The following CPSF4L variants were observed in gnomAD, a reference collection of about 807,000 sequenced individuals.
The protein encoded by CPSF4L is cleavage and polyadenylation specific factor 4 like.
A neutral mutation model predicts 24.0 loss-of-function variants in CPSF4L; 18 were observed. The observed-to-expected ratio is 0.75, with a 90% CI of 0.52 to 1.11. The LOEUF is 1.11. Ranked by LOEUF, CPSF4L falls within the 50% of genes least tolerant of loss-of-function variation. CPSF4L has a pLI of 0.00. For synonymous variants in CPSF4L, 72 were observed against 77.2 expected, an observed-to-expected ratio of 0.93 and a Z score of 0.35; for missense variants, 211 against 221.8, an observed-to-expected ratio of 0.95 and a Z score of 0.31.
At chr17:73,243,086 T>TG in the CPSF4L span, 11,342 of 987,214 alleles carry the variant, frequency 0.011, 346 homozygotes, top group African/African-American at 0.1. Flanking sequence ...AATTTTTTTT[T>TG]TTTTTTTTTT....
chr17:73,247,427 C>A, downstream of CPSF4L: 1 of 1,354,340 alleles, frequency 7.4e-7, no homozygotes, highest in Non-Finnish European at 1.1e-6. Flanking sequence ...CCCTGTAACA[C>A]CTAAGTGTAG....
chr17:73,258,146 A>C (rs1383592753), intron 2 of CPSF4L, among the ~76,000 whole-genome samples: 1 of 151,760 alleles, frequency 6.6e-6, no homozygotes, highest in Admixed American at 6.6e-5. Flanking sequence ...AGTAGCTGGG[A>C]CTACAGGCGC....
chr17:73,256,546 C>A (rs1044317692), intron 3 of CPSF4L, among the ~76,000 whole-genome samples: 1 of 152,220 alleles, frequency 6.6e-6, no homozygotes, highest in Non-Finnish European at 1.5e-5. Flanking sequence ...CTTTGTAGGT[C>A]ACTCTTTATG....
In CPSF4L at chr17:73,248,537, C is replaced by T; in HGVS notation, c.498-1G>A. On this transcript the variant is annotated splice_acceptor_variant, in intron 5 of 5. Transcript: ENST00000344935. LOFTEE classifies it high-confidence loss of function. The stretch of plus-strand genomic sequence containing the variant: ...CAGCAGCTTGAATTCCCGAATCTTC[C>T]TGCAAGGTGCATACAAATGCAGCGT... 1 of 1,551,660 alleles carries T rather than the reference C, an allele frequency of 6.4e-7. No individual in the cohort carries two copies. Among genetic ancestry groups the T allele is most frequent in the Non-Finnish European group, 8.7e-7 (1 of 1,146,958 alleles).
At position 73,250,963 on chromosome 17, in the gene CPSF4L, C is replaced by T. The variant is rs117942775; in HGVS notation, c.497+1667G>A. The T allele has an allele frequency of 6.8e-5, 104 of 1,518,868 alleles. No homozygotes were observed. The East Asian group carries it at 2.4e-3, about 36-fold the overall frequency. 94.1% of individuals were successfully genotyped at this position (1,518,868 alleles called of 1,614,324 possible). Reference sequence around the variant, plus strand: ...AGCACTAGCCCAGCCCTGTGGGTTCCTTTGTCCACCCTGTGGCACAGGCCC... The same window carrying T: ...AGCACTAGCCCAGCCCTGTGGGTTCTTTTGTCCACCCTGTGGCACAGGCCC... On this transcript the variant is annotated intron_variant, in intron 5 of 5. Transcript: ENST00000344935.
At chr17:73,243,827 T>G (rs1253030478), downstream of CPSF4L, among the ~76,000 whole-genome samples, 1 of 152,178 alleles carries the variant, frequency 6.6e-6, no homozygotes, top group African/African-American at 2.4e-5. Context: ...GCCACCGCAC[T>G]CAGCCTTTGT....
downstream of CPSF4L, chr17:73,244,774 G>A (rs900202336): frequency 3.7e-5 from 6 of 163,266 alleles, no homozygotes; most frequent in Admixed American, 6.3e-5. Context: ...AGTGAGTAGC[G>A]GGTAGGTCCG....
downstream of CPSF4L, chr17:73,247,093 A>T: frequency 1.5e-6 from 1 of 673,410 alleles, no homozygotes; most frequent in South Asian, 1.9e-5. Flanking sequence ...TTGTTTTTGT[A>T]TGTAGTCAAA....
chr17:73,263,358 G>T (rs1351530726), upstream of CPSF4L, among the ~76,000 whole-genome samples: 3 of 152,076 alleles, frequency 2.0e-5, no homozygotes, highest in African/African-American at 7.2e-5. Context: ...CTAGGGCCAC[G>T]TCCCTATCCT....
intron 1 of CPSF4L, among the ~76,000 whole-genome samples, 197 bp from the exon 2 acceptor site, chr17:73,261,180 C>G (rs2062043447): frequency 2.0e-5 from 3 of 152,214 alleles, no homozygotes; most frequent in African/African-American, 7.2e-5. Flanking sequence ...AACTCTGAAA[C>G]AGAGGAGCTC....
intron 5 of CPSF4L, among the ~76,000 whole-genome samples, chr17:73,250,525 CT>C (rs2062000893): frequency 2.0e-5 from 3 of 152,180 alleles, no homozygotes. Context: ...TTCTGCCACT[CT>C]TACCTGTCAT....
chr17:73,252,803 G>A, intron 4 of CPSF4L, 80 bp from the exon 5 acceptor site: 2 of 894,334 alleles, frequency 2.2e-6, no homozygotes, highest in Middle Eastern at 2.2e-4. Context: ...TCCCTAGGAA[G>A]GGTGTGGATG....
chr17:73,255,237 T>C (rs2062020359), intron 3 of CPSF4L, among the ~76,000 whole-genome samples: 1 of 152,086 alleles, frequency 6.6e-6, no homozygotes, highest in African/African-American at 2.4e-5. Flanking sequence ...CAGTGGCTCA[T>C]GCCTGTAATC....
intron 4 of CPSF4L, among the ~76,000 whole-genome samples, 146 bp downstream of exon 4, chr17:73,253,761 CCAGGCTGTGTTTTGTGTGTCACAG>C (rs904248962): frequency 6.6e-6 from 1 of 152,206 alleles, no homozygotes. Context: ...TGGCCCCACA[CCAGGCTGTGTTTTGTGTGTCACAG>C]CAGAGCTGGA....
chr17:73,252,941 G>A (rs1347920989), intron 4 of CPSF4L, among the ~76,000 whole-genome samples: 1 of 152,242 alleles, frequency 6.6e-6, no homozygotes, highest in Non-Finnish European at 1.5e-5. Flanking sequence ...TGGAGCAGGT[G>A]TCAGCTGGCA....
Position 73,260,092 on chromosome 17 carries a change from G to A in CPSF4L, c.154+841C>T, listed in dbSNP as rs534689867. On this transcript the variant is annotated intron_variant, in intron 2 of 5. Transcript: ENST00000344935. ...GACCCAAAGTCAGGGCAGGAGAGAA[G>A]TGGAGGATGCTTTTTGATAGCATTT... Among the ~76,000 whole-genome samples the A allele has an allele frequency of 2.0e-5, 3 of 152,310 alleles. No individual in the cohort carries two copies. In the South Asian group the frequency reaches 6.2e-4, roughly 32 times the overall value.
intron 5 of CPSF4L, chr17:73,250,441 C>T: frequency 1.7e-6 from 2 of 1,178,652 alleles, no homozygotes; most frequent in African/African-American, 1.5e-5. Context: ...TTATTTCAGG[C>T]ATTCAAGCCC....
At chr17:73,262,891 G>A (rs1396225245), upstream of CPSF4L, among the ~76,000 whole-genome samples, 1 of 152,208 alleles carries the variant, frequency 6.6e-6, no homozygotes, top group African/African-American at 2.4e-5. Context: ...GCTGGCTGTT[G>A]TTCCCCGTGG....
chr17:73,250,624 AT>A (rs138270042), intron 5 of CPSF4L, among the ~76,000 whole-genome samples: 6 of 152,152 alleles, frequency 3.9e-5, no homozygotes, highest in South Asian at 4.1e-4. Flanking sequence ...ATCAAACATG[AT>A]TTTTTTTCTT....
Sources: gnomAD v4.1 joint callset for allele counts (sites outside exome capture counted in the v4.1 genomes callset) on GRCh38, gnomAD v4.1.1 for gene constraint, MANE v1.5 for transcripts, NCBI Gene and HGNC (gene_info 2026-07-23, HGNC 2026-07-21) for gene names.